The following TCP11 variants were observed in gnomAD, a reference collection of about 807,000 sequenced individuals.
TCP11 encodes the protein T-complex protein 11 homolog.
A neutral mutation model predicts 45.0 loss-of-function variants in TCP11; 34 were observed. The observed-to-expected ratio is 0.76, with a 90% confidence interval of 0.57 to 1.01. The LOEUF (loss-of-function observed/expected upper bound fraction) is 1.01. Among genes scored for constraint, TCP11 ranks in the 50% least tolerant of loss-of-function variants. The pLI is 0.00. For synonymous variants in TCP11, 227 were observed against 227.0 expected (o/e 1.00, Z 0.00); for missense variants, 523 against 598.1 (o/e 0.87, Z 1.31).
At chr6:35,137,672 A>G in intron 2 of TCP11, 1 of 383,154 alleles carries the variant, frequency 2.6e-6, no homozygotes, top group Non-Finnish European at 5.2e-6. Context: ...CACACATAAT[A>G]GGTATATATG....
At chr6:35,130,507 A>AG (rs1780292254) in intron 3 of TCP11, among the ~76,000 whole-genome samples, 1 of 152,230 alleles carries the variant, frequency 6.6e-6, no homozygotes, top group African/African-American at 2.4e-5. Flanking sequence ...ACGCAACAAT[A>AG]GGAAAATGAA....
chr6:35,128,098 G>C (rs1200603263), intron 4 of TCP11, among the ~76,000 whole-genome samples: 2 of 152,326 alleles, frequency 1.3e-5, no homozygotes, highest in Middle Eastern at 3.4e-3. Context: ...CTGTGGGTCA[G>C]AAGTACAGAC....
At chr6:35,126,144 T>C (rs1253005599) in intron 4 of TCP11, among the ~76,000 whole-genome samples, 1 of 152,198 alleles carries the variant, frequency 6.6e-6, no homozygotes, top group Non-Finnish European at 1.5e-5. Flanking sequence ...TTGTTATGAA[T>C]ATTTTGCCAC....
chr6:35,139,879 C>A, intron 2 of TCP11: 6 of 755,726 alleles, frequency 7.9e-6, no homozygotes, highest in South Asian at 7.5e-5. Context: ...CCAAGTCAAC[C>A]TAATACACAA....
chr6:35,128,834 T>C (rs184184162), intron 4 of TCP11: 39 of 499,524 alleles, frequency 7.8e-5, no homozygotes, highest in Admixed American at 1.5e-4. Flanking sequence ...ATTCAAGGAT[T>C]CTTTAGTTTT....
chr6:35,121,852 A>G (rs1004907676), intron 5 of TCP11, among the ~76,000 whole-genome samples: 1 of 152,100 alleles, frequency 6.6e-6, no homozygotes, highest in Non-Finnish European at 1.5e-5. Context: ...GGGATGTTTT[A>G]ACTCCTTAAA....
rs540227873 is a variant in TCP11, at chr6:35,123,420, G to C, written c.358-1083C>G. ...TCAAGTGATATCCTCCAAGGTGAAG[G>C]ACAAATTGCTGTACCTGAACCACCC... On this transcript the variant is annotated intron_variant, in intron 4 of 9. Coordinates refer to ENST00000311875, the MANE Select transcript of TCP11 (RefSeq NM_001370687.1). Among the ~76,000 whole-genome samples the C allele has an allele frequency of 3.1e-3, 470 of 151,576 alleles. 4 individuals are homozygous for C. Among genetic ancestry groups the C allele is most frequent in the Middle Eastern group, 6.8e-3 (2 of 292 alleles).
In TCP11 at chr6:35,140,889, G is replaced by T; in HGVS notation, c.-14-5C>A. The T allele has an allele frequency of 6.4e-7, 1 of 1,569,086 alleles. No homozygotes were observed. Among genetic ancestry groups the T allele is most frequent in the Non-Finnish European group, 8.6e-7 (1 of 1,161,624 alleles). On this transcript the variant is annotated splice_polypyrimidine_tract_variant and splice_region_variant and intron_variant, in intron 1 of 9. Transcript: ENST00000311875. Reference sequence around the variant, plus strand: ...CTGGCATTTTGCTGATGGTATCTGGGTGAGGGAGAAAGGCGTGTTGTTGGC... The same window carrying T: ...CTGGCATTTTGCTGATGGTATCTGGTTGAGGGAGAAAGGCGTGTTGTTGGC...
chr6:35,136,075 G>T, intron 3 of TCP11, 32 bp downstream of exon 3: 1 of 1,571,040 alleles, frequency 6.4e-7, no homozygotes, highest in South Asian at 1.1e-5. Flanking sequence ...AAGCCAGGAT[G>T]AGCAACATGA....
chr6:35,132,739 G>A (rs1010812558), intron 3 of TCP11, among the ~76,000 whole-genome samples: 2 of 151,866 alleles, frequency 1.3e-5, no homozygotes, highest in African/African-American at 4.8e-5. Flanking sequence ...CTATTTCTCC[G>A]GCTTCATTTC....
chr6:35,119,681 T>C (rs548646233), intron 8 of TCP11, among the ~76,000 whole-genome samples: 1 of 152,386 alleles, frequency 6.6e-6, no homozygotes, highest in Admixed American at 6.5e-5. Context: ...AGTTGTGCTC[T>C]TGGATCCACT....
Position 35,121,455 on chromosome 6 carries a change from A to G in TCP11, c.579-410T>C, listed in dbSNP as rs1779234701. 2.0e-5 allele frequency among the ~76,000 whole-genome samples: 3 copies of G among 150,866 alleles called. No individual in the cohort carries two copies. In the South Asian group the frequency reaches 6.2e-4, roughly 31 times the overall value. Reference sequence around the variant, plus strand: ...GGGTCTTGGTTCCTAGAGTTGTGAAATACGGATGACCACTCATCACTGTCT... The same window carrying G: ...GGGTCTTGGTTCCTAGAGTTGTGAAGTACGGATGACCACTCATCACTGTCT... On this transcript the variant is annotated intron_variant, in intron 5 of 9. Transcript: ENST00000311875.
intron 3 of TCP11, among the ~76,000 whole-genome samples, chr6:35,131,126 AG>A (rs1324134608): frequency 6.6e-6 from 1 of 152,224 alleles, no homozygotes; most frequent in East Asian, 1.9e-4. Flanking sequence ...TACAAAAATT[AG>A]CTGGGTGTAG....
chr6:35,126,018 T>C (rs915155784), intron 4 of TCP11, among the ~76,000 whole-genome samples: 1 of 152,134 alleles, frequency 6.6e-6, no homozygotes, highest in South Asian at 2.1e-4. Flanking sequence ...TATTGTTTAA[T>C]GAGTACAAAA....
Position 35,120,379 on chromosome 6 carries a change from C to T in TCP11, c.934-39G>A, listed in dbSNP as rs770029242. On this transcript the variant is annotated intron_variant, in intron 7 of 9. Transcript: ENST00000311875. This position sits in a 1 kb window ranked among gnomAD's most constrained non-coding sequence, Gnocchi z 4.9. Reference sequence around the variant, plus strand: ...AAGAACAGGCTGTCAGGGGAAGTCCCGATGGAAGCCCTGAACACAAAACAA... The same window carrying T: ...AAGAACAGGCTGTCAGGGGAAGTCCTGATGGAAGCCCTGAACACAAAACAA... 17 of 1,598,436 alleles carry T rather than the reference C, an allele frequency of 1.1e-5. No individual in the cohort carries two copies. The South Asian group carries it at 1.7e-4, about 16-fold the overall frequency.
rs768739292 is a variant in TCP11 at position 35,141,237 on chromosome 6, C to T, written c.-47G>A. On this transcript the variant is annotated 5_prime_UTR_variant, in exon 1 of 10. Transcript: ENST00000311875. The stretch of plus-strand genomic sequence containing the variant: ...TCCCCCGCCGCGGGTCATCCACTGG[C>T]GTCCGCTCGGTGGGCCTCGCGGCCT... 1 of 1,382,066 alleles carries T rather than the reference C, an allele frequency of 7.2e-7. No homozygotes were observed. The allele number at this position is 1,382,066 out of a possible 1,614,324, so 85.6% of individuals were successfully genotyped here.
At chr6:35,129,844 G>GT (rs1780206443) in intron 3 of TCP11, among the ~76,000 whole-genome samples, 1 of 152,146 alleles carries the variant, frequency 6.6e-6, no homozygotes, top group Admixed American at 6.5e-5. Flanking sequence ...GCACAATCAA[G>GT]GCTCACTGAA....
At chr6:35,138,500 C>T (rs1349445658) in intron 2 of TCP11, among the ~76,000 whole-genome samples, 1 of 150,820 alleles carries the variant, frequency 6.6e-6, no homozygotes, top group Non-Finnish European at 1.5e-5. Flanking sequence ...TTCACATGTT[C>T]TCACTTATTT....
chr6:35,137,929 G>T (rs555264233), intron 2 of TCP11: 6 of 392,300 alleles, frequency 1.5e-5, no homozygotes, highest in Admixed American at 9.9e-5. Flanking sequence ...ATAGTAAAAA[G>T]ATTTGAAAAT....
Sources: gnomAD v4.1 joint callset for allele counts (sites outside exome capture counted in the v4.1 genomes callset) on GRCh38, gnomAD v4.1.1 for gene constraint, Gnocchi (gnomAD v3.1) non-coding constraint, MANE v1.5 for transcripts, NCBI Gene and HGNC (gene_info 2026-07-23, HGNC 2026-07-21) for gene names.